The following DROSHA variants were observed in gnomAD, a reference collection of about 807,000 sequenced individuals.
DROSHA encodes the protein drosha ribonuclease III.
Under a neutral mutation model 181.9 loss-of-function variants are expected in DROSHA, and 56 were observed. That is an observed-to-expected ratio of 0.31 (90% CI 0.25 to 0.38). The LOEUF (loss-of-function observed/expected upper bound fraction) is 0.38, where lower values mean the gene tolerates loss of function less well. Among genes scored for constraint, DROSHA ranks in the 10% least tolerant of loss-of-function variants. The probability of loss-of-function intolerance (pLI) is 1.00; values close to 1 mark genes in which losing one functional copy is unlikely to be tolerated. For missense variants in DROSHA, 1,218 were observed against 1,743.5 expected (o/e 0.70, Z 5.37); for synonymous variants, 524 against 591.2 (o/e 0.89, Z 1.65).
intron 27 of DROSHA, among the ~76,000 whole-genome samples, chr5:31,425,451 T>C (rs1019192516): frequency 6.6e-6 from 1 of 152,206 alleles, no homozygotes; most frequent in African/African-American, 2.4e-5. Flanking sequence ...GTGCAAATTA[T>C]ATTGATTGTT....
At chr5:31,456,179 G>A (rs1044614631) in intron 20 of DROSHA, among the ~76,000 whole-genome samples, 9 of 151,994 alleles carry the variant, frequency 5.9e-5, no homozygotes, top group African/African-American at 2.2e-4. Flanking sequence ...AAGGGGAGGT[G>A]GGAGATTGAT....
chr5:31,426,099 T>C (rs977464417), intron 27 of DROSHA, among the ~76,000 whole-genome samples: 5 of 152,276 alleles, frequency 3.3e-5, no homozygotes, highest in African/African-American at 1.2e-4. Flanking sequence ...GAAACAAGAC[T>C]GTGATTCCTC....
rs202101007 is a variant in DROSHA at position 31,472,064 on chromosome 5, G to T, written c.2240C>A (p.Thr747Lys). ...GAATATACAGACACCAGAACATACC[G>T]TCCCAGGGTTGGTAACAATCATGCC... ...CKGMIVTNPG[T>K]KPSSVRIDQL... The change falls in exon 17 of 36, where the codon ACG (threonine) becomes AAG (lysine). Residue 747 changes from threonine to lysine, a missense_variant and splice_region_variant. Physicochemically the swap from Thr to Lys is moderately conservative, Grantham distance 78. Transcript: ENST00000344624. 6.8e-6 allele frequency: 11 copies of T among 1,613,366 alleles called. No homozygotes were observed. Among genetic ancestry groups the T allele is most frequent in the Non-Finnish European group, 9.3e-6 (11 of 1,179,602 alleles).
rs1311848345 is a variant in DROSHA, at chr5:31,411,746, C to T, written c.3526-859G>A. On this transcript the variant is annotated intron_variant, in intron 30 of 35. Coordinates refer to ENST00000344624, the MANE Select transcript of DROSHA (RefSeq NM_001382508.1). This position sits in a 1 kb window ranked among gnomAD's most constrained non-coding sequence, Gnocchi z 4.2. ...GACTCAAGCTATCCTCCCACCTCAGCCTCCCGAGTAGCTGTGACTATAGGC... is the reference window on the plus strand; with the variant it reads ...GACTCAAGCTATCCTCCCACCTCAGTCTCCCGAGTAGCTGTGACTATAGGC... Among the ~76,000 whole-genome samples the T allele has an allele frequency of 6.6e-6, 1 of 152,086 alleles. No homozygotes were observed. The highest frequency in any genetic ancestry group is 1.5e-5 in the Non-Finnish European group (1 of 68,030).
intron 27 of DROSHA, among the ~76,000 whole-genome samples, chr5:31,427,026 A>G (rs959553951): frequency 2.0e-5 from 3 of 152,198 alleles, no homozygotes; most frequent in African/African-American, 7.2e-5. Context: ...CTGGTTTAGA[A>G]GATAAAAATA....
rs750540831 is a variant in DROSHA at position 31,526,184 on chromosome 5, C to T, written c.749G>A (p.Arg250Gln). Residue 250 changes from arginine to glutamine, a missense_variant, in exon 5 of 36, where the codon CGG becomes CAG. Transcript: ENST00000344624. ...RGERHRSLDR[R>Q]ERGRSPDRRR... is the part of the protein sequence containing the mutation. ...CCTGTCGGGACTGCGGCCTCGCTCC[C>T]GCCGATCCAGGGACCGATGCCTCTC... 117 of 1,613,706 alleles carry T rather than the reference C, an allele frequency of 7.3e-5. No homozygotes were observed. Among genetic ancestry groups the T allele is most frequent in the Middle Eastern group, 1.6e-4 (1 of 6,084 alleles).
chr5:31,413,451 C>T (rs1288061368), intron 30 of DROSHA, among the ~76,000 whole-genome samples: 2 of 152,166 alleles, frequency 1.3e-5, no homozygotes, highest in Admixed American at 1.3e-4. Flanking sequence ...TCATCCTTGT[C>T]CTTTGCTGAA....
chr5:31,510,037 T>G (rs1254158714), intron 9 of DROSHA, among the ~76,000 whole-genome samples: 1 of 122,860 alleles, frequency 8.1e-6, no homozygotes, highest in Non-Finnish European at 1.6e-5. Context: ...ATTACTTATA[T>G]TTTACCACAA....
chr5:31,453,240 G>C (rs1275091886), intron 20 of DROSHA, among the ~76,000 whole-genome samples: 1 of 152,100 alleles, frequency 6.6e-6, no homozygotes, highest in Non-Finnish European at 1.5e-5. Context: ...CTGTCACCCA[G>C]GCTAGAGTGC....
chr5:31,456,183 G>A (rs1580157372), intron 20 of DROSHA, among the ~76,000 whole-genome samples: 1 of 152,224 alleles, frequency 6.6e-6, no homozygotes, highest in Non-Finnish European at 1.5e-5. Flanking sequence ...GGAGGTGGGA[G>A]ATTGATAATG....
At chr5:31,407,868 C>A (rs654574) in intron 33 of DROSHA, among the ~76,000 whole-genome samples, 5,272 of 152,206 alleles carry the variant, frequency 0.035, 293 homozygotes, top group African/African-American at 0.12. Context: ...CCTTAATTAT[C>A]ACTCTGATGA....
rs1216350055 is a variant in DROSHA, at chr5:31,468,078, C to G, written c.2242-15G>C. ...GAGCTTGGTTTCTAGAGAGAAAAATCAAAGCCATTTATTCCCATAAGAAGT... is the reference window on the plus strand; with the variant it reads ...GAGCTTGGTTTCTAGAGAGAAAAATGAAAGCCATTTATTCCCATAAGAAGT... On this transcript the variant is annotated splice_polypyrimidine_tract_variant and intron_variant, in intron 17 of 35. Coordinates refer to ENST00000344624, the MANE Select transcript of DROSHA (RefSeq NM_001382508.1). The G allele has an allele frequency of 6.2e-7, 1 of 1,605,066 alleles. No homozygotes were observed. The highest frequency in any genetic ancestry group is 2.2e-5 in the East Asian group (1 of 44,692).
intron 15 of DROSHA, among the ~76,000 whole-genome samples, chr5:31,484,171 A>G (rs1751413632): frequency 6.6e-6 from 1 of 152,028 alleles, no homozygotes; most frequent in Non-Finnish European, 1.5e-5. Context: ...GGATATCGAG[A>G]CCAACCTGGC....
At chr5:31,518,922 AGTT>A (rs1166937882) in intron 6 of DROSHA, among the ~76,000 whole-genome samples, 1 of 152,226 alleles carries the variant, frequency 6.6e-6, no homozygotes, top group Non-Finnish European at 1.5e-5. Flanking sequence ...GGTCAGGGTC[AGTT>A]GTTGTGAACA....
At chr5:31,457,693 G>A (rs1456961953) in intron 20 of DROSHA, among the ~76,000 whole-genome samples, 3 of 152,002 alleles carry the variant, frequency 2.0e-5, no homozygotes, top group African/African-American at 7.3e-5. Context: ...AGTTTGAGAC[G>A]AGCCTGGGCA....
At chr5:31,489,173 T>A (rs904963978) in intron 13 of DROSHA, 2 of 152,150 alleles carry the variant, frequency 1.3e-5, no homozygotes, top group African/African-American at 4.8e-5. Context: ...TGGGTGGAAA[T>A]GAACTACTCA....
At chr5:31,495,939 A>C (rs1210023898) in intron 11 of DROSHA, among the ~76,000 whole-genome samples, 1 of 152,168 alleles carries the variant, frequency 6.6e-6, no homozygotes, top group African/African-American at 2.4e-5. Context: ...GGGGAGGCCA[A>C]GGAGAGCGAT....
Position 31,401,511 on chromosome 5 carries a change from C to T in DROSHA, c.4046G>A (p.Arg1349Lys). Residue 1349 changes from arginine (R) to lysine (K), a missense_variant, in exon 36 of 36, where the codon AGA becomes AAA. By Grantham distance (26) the Arg-to-Lys change is conservative (BLOSUM62 2). Coordinates refer to ENST00000344624, the MANE Select transcript of DROSHA (RefSeq NM_001382508.1). ...CCACCTCATTTCTTTTAACTCTTGT[C>T]TGTACTTCCGTTCGATGAACCGCTT... ...HQKRFIERKY[R>K]QELKEMRWER... is the part of the protein sequence containing the mutation. The T allele has an allele frequency of 6.2e-7, 1 of 1,610,566 alleles. No homozygotes were observed. The highest frequency in any genetic ancestry group is 8.5e-7 in the Non-Finnish European group (1 of 1,178,218).
intron 14 of DROSHA, 27 bp from the exon 15 acceptor site, chr5:31,484,989 C>G: frequency 6.6e-7 from 1 of 1,511,550 alleles, no homozygotes; most frequent in Non-Finnish European, 8.9e-7. Context: ...AATTAAATTA[C>G]TGTAGTTTGG....
Sources: allele counts gnomAD v4.1 joint callset (sites outside exome capture counted in the v4.1 genomes callset), GRCh38; gene constraint gnomAD v4.1.1; non-coding constraint Gnocchi (gnomAD v3.1); transcripts MANE v1.5; gene names NCBI Gene and HGNC (gene_info 2026-07-23, HGNC 2026-07-21).